FBXO25: variants seen among roughly 807,000 people sequenced by gnomAD.
FBXO25 encodes F-box only protein 25.
In FBXO25, 45 loss-of-function variants were observed where a neutral mutation model predicts 51.9. That is an observed-to-expected ratio of 0.87 (90% CI 0.68 to 1.11). The LOEUF is 1.11. Among genes scored for constraint, FBXO25 ranks in the 50% most tolerant of loss-of-function variants. The probability of loss-of-function intolerance (pLI) is 0.00; values close to 1 mark genes in which losing one functional copy is unlikely to be tolerated. For synonymous variants in FBXO25, 199 were observed against 151.0 expected (o/e 1.32, Z -2.33); for missense variants, 507 against 428.5 (o/e 1.18, Z -1.62).
intron 8 of FBXO25, among the ~76,000 whole-genome samples, chr8:462,309 A>G (rs372048839): frequency 6.6e-6 from 1 of 152,092 alleles, no homozygotes; most frequent in East Asian, 1.9e-4. Context: ...ATGTCCTTTG[A>G]CCATTTTTTA....
chr8:421,767 G>T (rs1317803311), intron 2 of FBXO25, among the ~76,000 whole-genome samples: 3 of 152,166 alleles, frequency 2.0e-5, no homozygotes, highest in Non-Finnish European at 4.4e-5. Flanking sequence ...GGAAGGGGTT[G>T]GTTCCAGGGC....
Position 436,511 on chromosome 8 carries a change from C to G in FBXO25, c.381+804C>G, listed in dbSNP as rs1011819686. The stretch of plus-strand genomic sequence containing the variant: ...TTCAGTTTGCTTCTGAGCAGAATTT[C>G]CAGGGCTGCTTATGTAACTACTACT... On this transcript the variant is annotated intron_variant, in intron 5 of 9. Coordinates refer to ENST00000350302, the MANE Select transcript of FBXO25 (RefSeq NM_183420.2). Among the ~76,000 whole-genome samples the G allele has an allele frequency of 4.6e-5, 7 of 152,272 alleles. No individual in the cohort carries two copies. In the East Asian group the frequency reaches 1.4e-3, roughly 29 times the overall value.
At chr8:460,800 A>C (rs191007395) in intron 8 of FBXO25, among the ~76,000 whole-genome samples, 2 of 152,390 alleles carry the variant, frequency 1.3e-5, no homozygotes, top group Non-Finnish European at 2.9e-5. Flanking sequence ...AATTAATATT[A>C]AATATGAACA....
At chr8:466,224 C>T (rs905349679) in intron 9 of FBXO25, among the ~76,000 whole-genome samples, 1 of 152,252 alleles carries the variant, frequency 6.6e-6, no homozygotes, top group Non-Finnish European at 1.5e-5. Flanking sequence ...CTTCCATCTC[C>T]TCCGCCGTGG....
rs773609000 is a variant in FBXO25 at position 468,850 on chromosome 8, T to C, written c.*46T>C. On this transcript the variant is annotated 3_prime_UTR_variant, in exon 10 of 10. Transcript: ENST00000350302. ...ATTGGAGATTGTGAATCCTGCTGTC[T>C]GTGCAGGGCTCATAGTGAGTGTTCT... 1.3e-6 allele frequency: 2 copies of C among 1,558,136 alleles called. No homozygotes were observed. Among genetic ancestry groups the C allele is most frequent in the Non-Finnish European group, 1.8e-6 (2 of 1,135,170 alleles).
At position 462,951 on chromosome 8, in the gene FBXO25, T is replaced by C. The variant is rs1283963866; in HGVS notation, c.844-56T>C. 5.2e-6 allele frequency: 8 copies of C among 1,550,734 alleles called. No homozygotes were observed. In the East Asian group the frequency reaches 9.1e-5, roughly 18 times the overall value. ...TAAAATGAAAAAGTTTTACACCTAA[T>C]ATTATGTTTTGAAAGTCATCTTATG... On this transcript the variant is annotated intron_variant, in intron 8 of 9. Coordinates refer to ENST00000350302, the MANE Select transcript of FBXO25 (RefSeq NM_183420.2).
intron 7 of FBXO25, among the ~76,000 whole-genome samples, chr8:457,965 CT>C (rs1439301794): frequency 6.6e-6 from 1 of 152,236 alleles, no homozygotes; most frequent in African/African-American, 2.4e-5. Context: ...GCCCTGCCCC[CT>C]GCTGGTGATG....
intron 8 of FBXO25, among the ~76,000 whole-genome samples, chr8:460,044 G>A (rs995945037): frequency 6.6e-6 from 1 of 152,078 alleles, no homozygotes; most frequent in Non-Finnish European, 1.5e-5. Flanking sequence ...GGGAGGGGGT[G>A]GATAGAATTT....
At chr8:422,006 G>T (rs182714629) in intron 2 of FBXO25, among the ~76,000 whole-genome samples, 1 of 152,226 alleles carries the variant, frequency 6.6e-6, no homozygotes, top group South Asian at 2.1e-4. Context: ...GTTCTTCCTT[G>T]TAGAATTCCA....
chr8:453,418 G>A lies in FBXO25; in HGVS notation c.660+1965G>A, dbSNP rs114376672. Among the ~76,000 whole-genome samples the A allele has an allele frequency of 7.9e-3, 1,198 of 152,170 alleles. 9 individuals are homozygous for A. The highest frequency in any genetic ancestry group is 0.027 in the African/African-American group (1,138 of 41,536). On this transcript the variant is annotated intron_variant, in intron 7 of 9. Transcript: ENST00000350302. ...GACCCTGTGCCCTGCTTCTAGCCTC[G>A]AGGAGGGTCAGGTTCCCTTGTAGGA...
intron 2 of FBXO25, among the ~76,000 whole-genome samples, chr8:422,848 A>G (rs1241264353): frequency 6.6e-6 from 1 of 152,070 alleles, no homozygotes; most frequent in Non-Finnish European, 1.5e-5. Context: ...CTTAATAGCT[A>G]TATGGAGCTT....
chr8:449,766 G>A (rs1798962679), intron 5 of FBXO25, among the ~76,000 whole-genome samples: 1 of 152,208 alleles, frequency 6.6e-6, no homozygotes, highest in African/African-American at 2.4e-5. Context: ...TGCAAGACTA[G>A]AAGACAGAGC....
At chr8:429,336 G>C (rs1409584767) in intron 2 of FBXO25, among the ~76,000 whole-genome samples, 1 of 151,988 alleles carries the variant, frequency 6.6e-6, no homozygotes, top group Non-Finnish European at 1.5e-5. Flanking sequence ...TGGCTGCTGT[G>C]TCTCTTCTTT....
At chr8:427,791 A>G (rs1431130180) in intron 2 of FBXO25, among the ~76,000 whole-genome samples, 1 of 150,574 alleles carries the variant, frequency 6.6e-6, no homozygotes, top group African/African-American at 2.4e-5. Flanking sequence ...TTTTACAGCA[A>G]TATAGTTAAG....
chr8:449,918 T>C, intron 5 of FBXO25, 72 bp from the exon 6 acceptor site: 1 of 1,017,256 alleles, frequency 9.8e-7, no homozygotes, highest in Non-Finnish European at 1.5e-6. Flanking sequence ...TGCATGTGTG[T>C]TATATCACTG....
chr8:450,900 T>C, intron 6 of FBXO25: 1 of 200,616 alleles, frequency 5.0e-6, no homozygotes, highest in South Asian at 1.1e-4. Context: ...CATACCACCT[T>C]AAACACTGAG....
intron 8 of FBXO25, among the ~76,000 whole-genome samples, chr8:460,219 C>G (rs1799720578): frequency 6.6e-6 from 1 of 152,070 alleles, no homozygotes; most frequent in African/African-American, 2.4e-5. Flanking sequence ...CATCTAGACC[C>G]TAAACATACT....
intron 7 of FBXO25, among the ~76,000 whole-genome samples, chr8:453,066 G>A (rs1019405602): frequency 1.3e-5 from 2 of 152,194 alleles, no homozygotes; most frequent in East Asian, 3.9e-4. Flanking sequence ...TACAGCCCTG[G>A]TAGGCAGAGC....
intron 5 of FBXO25, among the ~76,000 whole-genome samples, chr8:443,471 G>T (rs1394987783): frequency 1.9e-4 from 28 of 151,190 alleles, no homozygotes; most frequent in African/African-American, 6.7e-4. Flanking sequence ...AAAAGCAGAC[G>T]TTCTTTCTGC....
Sources: gnomAD v4.1 joint callset for allele counts (sites outside exome capture counted in the v4.1 genomes callset) on GRCh38, gnomAD v4.1.1 for gene constraint, MANE v1.5 for transcripts, NCBI Gene and HGNC (gene_info 2026-07-23, HGNC 2026-07-21) for gene names.